Variants in GABRB2 observed in about 807,000 individuals in gnomAD.
The protein encoded by GABRB2 is gamma-aminobutyric acid type A receptor subunit beta2.
A neutral mutation model predicts 54.7 loss-of-function variants in GABRB2; 16 were observed. That is an observed-to-expected ratio of 0.29 (90% CI 0.20 to 0.44). The LOEUF is 0.44. Among genes scored for constraint, GABRB2 ranks in the 20% least tolerant of loss-of-function variants. GABRB2 has a pLI of 1.00. For missense variants in GABRB2, 355 were observed against 644.0 expected, an observed-to-expected ratio of 0.55 and a Z score of 4.86; for synonymous variants, 244 against 233.8, an observed-to-expected ratio of 1.04 and a Z score of -0.40.
chr5:161,526,532 T>G (rs1242247154), intron 3 of GABRB2, among the ~76,000 whole-genome samples: 1 of 151,450 alleles, frequency 6.6e-6, no homozygotes, highest in Non-Finnish European at 1.5e-5. Flanking sequence ...AGACACAGCA[T>G]GTGCTGATGA....
At chr5:161,404,874 T>C (rs1038203858) in intron 5 of GABRB2, among the ~76,000 whole-genome samples, 1 of 152,128 alleles carries the variant, frequency 6.6e-6, no homozygotes, top group Non-Finnish European at 1.5e-5. Flanking sequence ...TTGTGCCAAG[T>C]AACCCTTAAC....
chr5:161,521,327 G>A (rs980562208), intron 3 of GABRB2, among the ~76,000 whole-genome samples: 1 of 151,816 alleles, frequency 6.6e-6, no homozygotes, highest in African/African-American at 2.4e-5. Flanking sequence ...CTTGCTTCCT[G>A]AATCAGTAAG....
At chr5:161,532,271 T>C (rs187175549) in intron 3 of GABRB2, among the ~76,000 whole-genome samples, 1 of 152,178 alleles carries the variant, frequency 6.6e-6, no homozygotes, top group Non-Finnish European at 1.5e-5. Flanking sequence ...TGTATATGTA[T>C]GCGTGTGTCT....
chr5:161,486,792 A>G (rs1286405844), intron 3 of GABRB2, among the ~76,000 whole-genome samples: 3 of 152,062 alleles, frequency 2.0e-5, no homozygotes, highest in South Asian at 2.1e-4. Flanking sequence ...CTTCAGCTCA[A>G]CACTGGCACT....
rs1352851338 is a variant in GABRB2, at chr5:161,463,551, TTATTTATATATATATATATATATATATA to T, written c.238-3735_238-3708del. ...GTTGACAAGGTGATTCCAAATATTT[TTATTTATATATATATATATATATATATA>T]TATATATATATATATATATATGAAA... On this transcript the variant is annotated intron_variant, in intron 3 of 9. Transcript: ENST00000393959. Among the ~76,000 whole-genome samples the T allele has an allele frequency of 1.4e-3, 43 of 30,264 alleles. 2 individuals carry two copies. The highest frequency in any genetic ancestry group is 4.1e-3 in the African/African-American group (38 of 9,356). 19.9% of individuals were successfully genotyped at this position (30,264 alleles called of 152,430 possible). A position where few individuals can be genotyped will look rare whatever the true frequency, so the allele number is the denominator to read the frequency against.
Position 161,289,410 on chromosome 5 carries a change from T to G in GABRB2, c.*4671A>C, listed in dbSNP as rs1040812122. ...ATCTCATTTTTTTTTTCCTTTTTTG[T>G]TTTTCAATAATTCTGGAGTCTTTGG... is the stretch of plus-strand genomic sequence containing the variant. On this transcript the variant is annotated 3_prime_UTR_variant, in exon 10 of 10. Transcript: ENST00000393959. 4 of 151,892 alleles carry G rather than the reference T, an allele frequency of 2.6e-5. No individual in the cohort carries two copies. The highest frequency in any genetic ancestry group is 9.7e-5 in the African/African-American group (4 of 41,102). The allele number at this position is 151,892 out of a possible 1,614,324, so 9.4% of individuals were successfully genotyped here.
intron 1 of GABRB2, 32 bp from the exon 2 acceptor site, chr5:161,546,445 A>G: frequency 6.3e-7 from 1 of 1,599,118 alleles, no homozygotes; most frequent in Non-Finnish European, 8.6e-7. Context: ...AGCAGGCATC[A>G]ATAAGGAAGC....
chr5:161,449,918 C>T (rs1303791770), intron 4 of GABRB2, among the ~76,000 whole-genome samples: 1 of 151,964 alleles, frequency 6.6e-6, no homozygotes, highest in Non-Finnish European at 1.5e-5. Context: ...AGGTTCACTC[C>T]TAATGAAATC....
At chr5:161,376,750 C>T (rs756704218) in intron 5 of GABRB2, among the ~76,000 whole-genome samples, 2 of 151,930 alleles carry the variant, frequency 1.3e-5, no homozygotes, top group Non-Finnish European at 2.9e-5. Flanking sequence ...TGCCATATAC[C>T]CTAATTCCTG....
At position 161,496,259 on chromosome 5, in the gene GABRB2, G is replaced by T. The variant is rs1320376307; in HGVS notation, c.238-36415C>A. On this transcript the variant is annotated intron_variant, in intron 3 of 9. Coordinates refer to ENST00000393959, the MANE Select transcript of GABRB2 (RefSeq NM_001371727.1). Reference sequence around the variant, plus strand: ...ATGTGATCATAATACCTCCTTAGAGGATTGTTAGGATTAAGTAAATCAATC... The same window carrying T: ...ATGTGATCATAATACCTCCTTAGAGTATTGTTAGGATTAAGTAAATCAATC... Among the ~76,000 whole-genome samples, 3 of 152,094 alleles carry T rather than the reference G, an allele frequency of 2.0e-5. No homozygotes were observed. In the East Asian group the frequency reaches 5.8e-4, roughly 29 times the overall value.
At chr5:161,409,738 G>A (rs1405673631) in intron 5 of GABRB2, among the ~76,000 whole-genome samples, 1 of 152,028 alleles carries the variant, frequency 6.6e-6, no homozygotes, top group South Asian at 2.1e-4. Context: ...TGAACTTTGT[G>A]AAACATTATT....
chr5:161,518,005 TC>T (rs1455441153), intron 3 of GABRB2, among the ~76,000 whole-genome samples: 1 of 152,086 alleles, frequency 6.6e-6, no homozygotes, highest in Admixed American at 6.5e-5. Flanking sequence ...AGTCGGGGTT[TC>T]CCCGTGTTAC....
chr5:161,353,570 C>T (rs915868537), intron 5 of GABRB2, among the ~76,000 whole-genome samples: 2 of 152,012 alleles, frequency 1.3e-5, no homozygotes, highest in Non-Finnish European at 2.9e-5. Context: ...CAAGCTGTTA[C>T]TGGCCTCCTG....
chr5:161,520,409 A>G (rs1760078132), intron 3 of GABRB2, among the ~76,000 whole-genome samples: 1 of 152,158 alleles, frequency 6.6e-6, no homozygotes, highest in South Asian at 2.1e-4. Flanking sequence ...TTTAACAAAG[A>G]ACAAATCTTC....
intron 5 of GABRB2, among the ~76,000 whole-genome samples, chr5:161,372,910 T>C (rs1489633847): frequency 6.6e-6 from 1 of 152,206 alleles, no homozygotes; most frequent in Non-Finnish European, 1.5e-5. Flanking sequence ...ATTAAAATCA[T>C]GGGAACAGTG....
intron 3 of GABRB2, among the ~76,000 whole-genome samples, chr5:161,485,959 T>C (rs1382096598): frequency 3.3e-5 from 5 of 151,768 alleles, no homozygotes; most frequent in East Asian, 2.0e-4. Flanking sequence ...AGATGGAAAA[T>C]GGTTGGTTCT....
chr5:161,435,463 C>G (rs1465340893), intron 4 of GABRB2, among the ~76,000 whole-genome samples: 1 of 152,078 alleles, frequency 6.6e-6, no homozygotes, highest in Non-Finnish European at 1.5e-5. Context: ...TTCTGCCTAA[C>G]CTGTTAGTGA....
At chr5:161,468,342 C>G (rs1758335902) in intron 3 of GABRB2, among the ~76,000 whole-genome samples, 1 of 152,060 alleles carries the variant, frequency 6.6e-6, no homozygotes, top group Non-Finnish European at 1.5e-5. Context: ...TCCCTGAACT[C>G]CACTCACTAA....
At chr5:161,482,599 G>C (rs903968903) in intron 3 of GABRB2, among the ~76,000 whole-genome samples, 1 of 151,978 alleles carries the variant, frequency 6.6e-6, no homozygotes, top group Non-Finnish European at 1.5e-5. Context: ...GTTTAAAAAG[G>C]TGATACCTCA....
Sources: gnomAD v4.1 joint callset for allele counts (sites outside exome capture counted in the v4.1 genomes callset) on GRCh38, gnomAD v4.1.1 for gene constraint, MANE v1.5 for transcripts, NCBI Gene and HGNC (gene_info 2026-07-23, HGNC 2026-07-21) for gene names.